DLGAP1: variants seen among roughly 807,000 people sequenced by gnomAD.
The protein encoded by DLGAP1 is disks large-associated protein 1.
In DLGAP1, 11 loss-of-function variants were observed where a neutral mutation model predicts 90.8. That is an observed-to-expected ratio of 0.12 (90% CI 0.08 to 0.20). The LOEUF is 0.20. Among genes scored for constraint, DLGAP1 ranks in the 10% least tolerant of loss-of-function variants. DLGAP1 has a pLI of 1.00. For missense variants in DLGAP1, 1,050 were observed against 1,333.8 expected (o/e 0.79, Z 3.31); for synonymous variants, 558 against 540.7 (o/e 1.03, Z -0.44).
rs1315251700 is a variant in DLGAP1 at position 3,915,794 on chromosome 18, A to T, written c.-72-35654T>A. 2.0e-5 allele frequency among the ~76,000 whole-genome samples: 3 copies of T among 150,388 alleles called. No homozygotes were observed. In the East Asian group the frequency reaches 5.8e-4, roughly 29 times the overall value. On this transcript the variant is annotated intron_variant, in intron 3 of 12. Coordinates refer to ENST00000315677, the MANE Select transcript of DLGAP1 (RefSeq NM_004746.4). The stretch of plus-strand genomic sequence containing the variant: ...GAAAACTTATTTTGAAACCTTATTT[A>T]TTTTTTTTTTCTTTTCCTGTAGTCT...
chr18:4,014,341 C>T (rs139118757), intron 2 of DLGAP1, among the ~76,000 whole-genome samples: 1 of 152,280 alleles, frequency 6.6e-6, no homozygotes, highest in East Asian at 1.9e-4. Context: ...CCTCGGCCTA[C>T]TTAGCCAACT....
chr18:3,565,986 T>C lies in DLGAP1; in HGVS notation c.2057+1504A>G, dbSNP rs751464899. Among the ~76,000 whole-genome samples the C allele has an allele frequency of 3.3e-5, 5 of 152,170 alleles. No homozygotes were observed. The highest frequency in any genetic ancestry group is 5.9e-5 in the Non-Finnish European group (4 of 68,048). On this transcript the variant is annotated intron_variant, in intron 9 of 12. Coordinates refer to ENST00000315677, the MANE Select transcript of DLGAP1 (RefSeq NM_004746.4). This position sits in a 1 kb window ranked among gnomAD's most constrained non-coding sequence, Gnocchi z 4.0. Reference sequence around the variant, plus strand: ...GCATGAACACTATGCGTGGATATTATATATTAAAGTTTTTCACCTAACATT... The same window carrying C: ...GCATGAACACTATGCGTGGATATTACATATTAAAGTTTTTCACCTAACATT...
intron 8 of DLGAP1, among the ~76,000 whole-genome samples, chr18:3,572,509 G>A (rs535654189): frequency 3.3e-5 from 5 of 150,962 alleles, no homozygotes; most frequent in East Asian, 3.9e-4. Context: ...GTGCAGTGGC[G>A]CAATCTAAGC....
At chr18:3,842,711 A>G (rs539282782) in intron 4 of DLGAP1, among the ~76,000 whole-genome samples, 2 of 152,208 alleles carry the variant, frequency 1.3e-5, no homozygotes, top group East Asian at 1.9e-4. Context: ...AAAAAAAAGC[A>G]TAGATAGTGG....
intron 7 of DLGAP1, among the ~76,000 whole-genome samples, chr18:3,594,890 A>G (rs2056488371): frequency 6.6e-6 from 1 of 152,218 alleles, no homozygotes; most frequent in Non-Finnish European, 1.5e-5. Flanking sequence ...CCTTTCTCTC[A>G]GGCCAGAAGC....
At chr18:4,408,897 C>T (rs187206731) in intron 1 of DLGAP1, among the ~76,000 whole-genome samples, 10 of 151,782 alleles carry the variant, frequency 6.6e-5, no homozygotes, top group Admixed American at 3.9e-4. Flanking sequence ...TCTAGGAAAA[C>T]GCTCTAACCT....
chr18:4,087,851 G>A (rs1386648627), intron 2 of DLGAP1, among the ~76,000 whole-genome samples: 2 of 140,390 alleles, frequency 1.4e-5, no homozygotes, highest in African/African-American at 5.2e-5. Context: ...CTGTGTAGTT[G>A]GGCTTTGCTT....
chr18:3,512,382 G>A (rs1160265522), intron 10 of DLGAP1, among the ~76,000 whole-genome samples: 3 of 152,106 alleles, frequency 2.0e-5, no homozygotes, highest in Non-Finnish European at 4.4e-5. Context: ...TCCCTCAGTG[G>A]AAGTACAAAA....
chr18:4,001,600 T>C (rs2074187244), intron 3 of DLGAP1, among the ~76,000 whole-genome samples: 1 of 152,218 alleles, frequency 6.6e-6, no homozygotes, highest in Non-Finnish European at 1.5e-5. Context: ...TTTACAAGTA[T>C]GTATCTGCTA....
chr18:4,007,138 C>T (rs1477263979), intron 2 of DLGAP1, among the ~76,000 whole-genome samples: 2 of 152,150 alleles, frequency 1.3e-5, no homozygotes, highest in African/African-American at 2.4e-5. Flanking sequence ...TTATCTTCAT[C>T]ATAGTCAGAT....
At chr18:3,978,175 G>T in intron 3 of DLGAP1, 1 of 427,722 alleles carries the variant, frequency 2.3e-6, no homozygotes. Flanking sequence ...AGCCCTTGGT[G>T]GCACAGGAGG....
chr18:3,507,370 A>T (rs945252306), intron 11 of DLGAP1, among the ~76,000 whole-genome samples: 3 of 151,846 alleles, frequency 2.0e-5, no homozygotes, highest in Admixed American at 1.3e-4. Flanking sequence ...ACAAAAAATT[A>T]GCTGGGCATG....
At chr18:4,343,999 T>C (rs1053797247) in intron 1 of DLGAP1, among the ~76,000 whole-genome samples, 4 of 152,210 alleles carry the variant, frequency 2.6e-5, no homozygotes, top group Admixed American at 1.3e-4. Context: ...ATGATGATGA[T>C]GAATTGTGGT....
At chr18:3,518,525 TAAAAAA>T (rs34819875) in intron 10 of DLGAP1, among the ~76,000 whole-genome samples, 1 of 148,770 alleles carries the variant, frequency 6.7e-6, no homozygotes, top group African/African-American at 2.5e-5. Flanking sequence ...TCAATTTGTT[TAAAAAA>T]AAAAAAAAGC....
intron 4 of DLGAP1, among the ~76,000 whole-genome samples, chr18:3,856,496 AG>A (rs1356777002): frequency 6.6e-6 from 1 of 152,180 alleles, no homozygotes; most frequent in East Asian, 1.9e-4. Flanking sequence ...AATAGCTAAT[AG>A]GTGGGAAATT....
intron 7 of DLGAP1, among the ~76,000 whole-genome samples, chr18:3,677,833 A>AT (rs1414808360): frequency 1.3e-5 from 2 of 151,204 alleles, no homozygotes; most frequent in Non-Finnish European, 2.9e-5. Flanking sequence ...TAATTTTTGT[A>AT]TTTTTAGTAG....
At chr18:3,665,310 G>C (rs960660216) in intron 7 of DLGAP1, among the ~76,000 whole-genome samples, 1 of 143,176 alleles carries the variant, frequency 7.0e-6, no homozygotes, top group African/African-American at 2.6e-5. Flanking sequence ...AATAATTGCT[G>C]CTTCCTTAGT....
intron 3 of DLGAP1, among the ~76,000 whole-genome samples, chr18:3,959,342 T>C (rs560344640): frequency 6.6e-6 from 1 of 152,294 alleles, no homozygotes; most frequent in African/African-American, 2.4e-5. Context: ...TATTAGACTT[T>C]CTTGTGGTTT....
At chr18:4,066,857 C>T (rs7241783) in intron 2 of DLGAP1, among the ~76,000 whole-genome samples, 65,280 of 151,440 alleles carry the variant, frequency 0.43, 14,937 homozygotes, top group African/African-American at 0.59. Flanking sequence ...ATCATTCTAC[C>T]AGAAAAACAC....
Sources: allele counts gnomAD v4.1 joint callset (sites outside exome capture counted in the v4.1 genomes callset), GRCh38; gene constraint gnomAD v4.1.1; non-coding constraint Gnocchi (gnomAD v3.1); transcripts MANE v1.5; gene names NCBI Gene and HGNC (gene_info 2026-07-23, HGNC 2026-07-21).